Variants in UBE2G1 observed in about 807,000 individuals in gnomAD.
UBE2G1 encodes the protein ubiquitin conjugating enzyme E2 G1.
UBE2G1 carries 5 observed loss-of-function variants against 22.7 expected under a neutral mutation model. The ratio of observed to expected loss-of-function variants is 0.22; its 90% CI spans 0.12 to 0.46. UBE2G1 has a LOEUF of 0.46. UBE2G1 is among the 20% of genes least tolerant of loss of function. The pLI is 0.99. For synonymous variants in UBE2G1, 74 were observed against 67.5 expected (o/e 1.10, Z -0.47); for missense variants, 88 against 203.9 (o/e 0.43, Z 3.46).
chr17:4,353,086 C>T (rs1320139925), intron 1 of UBE2G1, among the ~76,000 whole-genome samples: 1 of 151,970 alleles, frequency 6.6e-6, no homozygotes, highest in Non-Finnish European at 1.5e-5. Context: ...GGTGTGGTGG[C>T]GGGCGCCTGT....
chr17:4,298,313 GA>G (rs1567517748), intron 2 of UBE2G1, among the ~76,000 whole-genome samples: 2 of 151,934 alleles, frequency 1.3e-5, no homozygotes, highest in African/African-American at 4.8e-5. Context: ...CCTGGGAAAA[GA>G]AAAAAGAAAA....
At chr17:4,356,230 C>T (rs1034887280) in intron 1 of UBE2G1, among the ~76,000 whole-genome samples, 11 of 151,596 alleles carry the variant, frequency 7.3e-5, no homozygotes, top group African/African-American at 2.4e-4. Context: ...TGGTGGCACA[C>T]GCCTGTAACC....
chr17:4,346,023 A>G (rs959999570), intron 1 of UBE2G1, among the ~76,000 whole-genome samples: 2 of 152,376 alleles, frequency 1.3e-5, no homozygotes, highest in African/African-American at 4.8e-5. Flanking sequence ...ATAGGATTCT[A>G]GCATCTGCTA....
At chr17:4,353,438 G>T (rs932110435) in intron 1 of UBE2G1, among the ~76,000 whole-genome samples, 2 of 146,636 alleles carry the variant, frequency 1.4e-5, no homozygotes, top group East Asian at 3.9e-4. Context: ...TATATATATA[G>T]AGTTTCGTTG....
chr17:4,300,962 T>C (rs576109976), intron 2 of UBE2G1, among the ~76,000 whole-genome samples: 4 of 151,628 alleles, frequency 2.6e-5, no homozygotes, highest in Admixed American at 2.0e-4. Flanking sequence ...GAGAGAGATA[T>C]GTAACCAGCA....
At chr17:4,279,434 G>A (rs955729608) in intron 5 of UBE2G1, among the ~76,000 whole-genome samples, 2 of 152,142 alleles carry the variant, frequency 1.3e-5, no homozygotes, top group African/African-American at 4.8e-5. Flanking sequence ...GGAAAGTGGG[G>A]TGAGTGAAGT....
intron 5 of UBE2G1, among the ~76,000 whole-genome samples, chr17:4,275,097 C>T (rs1458378616): frequency 4.0e-5 from 6 of 151,710 alleles, no homozygotes; most frequent in Admixed American, 2.6e-4. Context: ...GCAAGACTCC[C>T]GTCTTAAAAA....
intron 5 of UBE2G1, among the ~76,000 whole-genome samples, chr17:4,281,417 A>C (rs141343557): frequency 8.6e-4 from 131 of 152,346 alleles, no homozygotes; most frequent in African/African-American, 3.1e-3. Flanking sequence ...GGACAGAAGA[A>C]AGCAGCGGAG....
Position 4,297,357 on chromosome 17 carries a change from G to C in UBE2G1, c.150-543C>G, listed in dbSNP as rs185809758. Among the ~76,000 whole-genome samples, 27 of 152,054 alleles carry C rather than the reference G, an allele frequency of 1.8e-4. No homozygotes were observed. In the East Asian group the frequency reaches 5.0e-3, roughly 28 times the overall value. On this transcript the variant is annotated intron_variant, in intron 2 of 5. Coordinates refer to ENST00000396981, the MANE Select transcript of UBE2G1 (RefSeq NM_003342.5). ...TGTGTCAAACTCCAGGGGTATAGCAGCAAAAAAAATCTCAAGAGTGACTTT... is the reference window on the plus strand; with the variant it reads ...TGTGTCAAACTCCAGGGGTATAGCACCAAAAAAAATCTCAAGAGTGACTTT...
At chr17:4,306,966 A>T in intron 2 of UBE2G1, 55 bp downstream of exon 2, 1 of 1,522,324 alleles carries the variant, frequency 6.6e-7, no homozygotes, top group Non-Finnish European at 9.1e-7. Context: ...AATAGTTTTT[A>T]ATTCAGTGTA....
intron 1 of UBE2G1, among the ~76,000 whole-genome samples, chr17:4,317,411 C>T (rs1294131643): frequency 6.6e-6 from 1 of 151,940 alleles, no homozygotes; most frequent in Non-Finnish European, 1.5e-5. Context: ...CCCAGTTACT[C>T]GGAAGGCTGA....
chr17:4,273,104 A>G (rs1968779610), intron 5 of UBE2G1, among the ~76,000 whole-genome samples: 1 of 152,212 alleles, frequency 6.6e-6, no homozygotes. Context: ...AGTGTTTCAA[A>G]TCTGTTGGCC....
intron 1 of UBE2G1, among the ~76,000 whole-genome samples, chr17:4,323,314 CA>C (rs750914790): frequency 5.9e-5 from 9 of 152,110 alleles, no homozygotes; most frequent in Non-Finnish European, 1.3e-4. Flanking sequence ...ACCTGTAAAA[CA>C]AAAGTAAGGA....
At chr17:4,303,070 A>G (rs1402681180) in intron 2 of UBE2G1, among the ~76,000 whole-genome samples, 2 of 145,362 alleles carry the variant, frequency 1.4e-5, no homozygotes, top group Admixed American at 1.4e-4. Context: ...CTTACAGCAG[A>G]AAAAAAAAAA....
intron 1 of UBE2G1, among the ~76,000 whole-genome samples, chr17:4,324,297 A>C (rs1219597840): frequency 6.6e-6 from 1 of 152,236 alleles, no homozygotes; most frequent in Non-Finnish European, 1.5e-5. Flanking sequence ...AGCACCTAAG[A>C]AGTGGCTAGT....
At chr17:4,334,172 C>G (rs1301403173) in intron 1 of UBE2G1, among the ~76,000 whole-genome samples, 1 of 151,964 alleles carries the variant, frequency 6.6e-6, no homozygotes, top group African/African-American at 2.4e-5. Flanking sequence ...AGCCATCCAC[C>G]TGCTTTGGCC....
chr17:4,327,036 C>T lies in UBE2G1; in HGVS notation c.47-19913G>A, dbSNP rs112454953. 8.9e-4 allele frequency among the ~76,000 whole-genome samples: 136 copies of T among 152,320 alleles called. 1 individual carries two copies. Among genetic ancestry groups the T allele is most frequent in the African/African-American group, 3.1e-3 (128 of 41,574 alleles). On this transcript the variant is annotated intron_variant, in intron 1 of 5. Transcript: ENST00000396981. The stretch of plus-strand genomic sequence containing the variant: ...ATTGGCCAGGCACGGTGGCTCACGC[C>T]TGTAATCCCAGTACTTTGGGAGGCC...
At chr17:4,336,437 G>A (rs1177869916) in intron 1 of UBE2G1, among the ~76,000 whole-genome samples, 1 of 152,088 alleles carries the variant, frequency 6.6e-6, no homozygotes. Context: ...AAAGGAGGCA[G>A]AAAAGGGTCA....
At chr17:4,296,664 C>CA in intron 3 of UBE2G1, 53 bp downstream of exon 3, 1 of 1,527,776 alleles carries the variant, frequency 6.5e-7, no homozygotes, top group Non-Finnish European at 9.1e-7. Context: ...TTGAACACTT[C>CA]AATAACAGGC....
Sources: allele counts gnomAD v4.1 joint callset (sites outside exome capture counted in the v4.1 genomes callset), GRCh38; gene constraint gnomAD v4.1.1; transcripts MANE v1.5; gene names NCBI Gene and HGNC (gene_info 2026-07-23, HGNC 2026-07-21).